Variants in WWOX observed in about 807,000 individuals in gnomAD.
WWOX encodes the protein WW domain-containing oxidoreductase.
A neutral mutation model predicts 46.2 loss-of-function variants in WWOX; 69 were observed. The ratio of observed to expected loss-of-function variants is 1.49; its 90% CI spans 1.23 to 1.82. WWOX has a LOEUF of 1.82. Among genes scored for constraint, WWOX ranks in the 40% most tolerant of loss-of-function variants. The pLI is 0.00. For missense variants in WWOX, 919 were observed against 542.6 expected, an observed-to-expected ratio of 1.69 and a Z score of -6.89; for synonymous variants, 359 against 202.6, an observed-to-expected ratio of 1.77 and a Z score of -6.56.
intron 4 of WWOX, among the ~76,000 whole-genome samples, chr16:78,153,439 C>T (rs753399453): frequency 1.6e-4 from 24 of 152,100 alleles, no homozygotes; most frequent in Non-Finnish European, 2.8e-4. Context: ...AAAACAGTCC[C>T]CACATTTGCA....
At chr16:78,812,458 C>T (rs2051214701) in intron 8 of WWOX, among the ~76,000 whole-genome samples, 1 of 151,990 alleles carries the variant, frequency 6.6e-6, no homozygotes, top group Non-Finnish European at 1.5e-5. Context: ...ATGGTGGCTC[C>T]TGCCTGTAAT....
intron 8 of WWOX, among the ~76,000 whole-genome samples, chr16:78,504,589 G>T (rs557812858): frequency 1.3e-5 from 2 of 152,306 alleles, no homozygotes; most frequent in East Asian, 3.9e-4. Flanking sequence ...CGTGATGCCA[G>T]TGTCTTCGTA....
intron 8 of WWOX, among the ~76,000 whole-genome samples, chr16:78,669,642 C>G (rs117073168): frequency 0.014 from 2,173 of 152,286 alleles, 33 homozygotes; most frequent in Non-Finnish European, 0.018. Context: ...ATATCCAACA[C>G]AAATACGTCA....
chr16:78,340,950 G>A lies in WWOX; in HGVS notation c.517-45910G>A. 1.7e-5 allele frequency among the ~76,000 whole-genome samples: 2 copies of A among 118,744 alleles called. 1 individual carries two copies. The highest frequency in any genetic ancestry group is 1.7e-4 in the Admixed American group (2 of 12,084). 77.9% of individuals were successfully genotyped at this position (118,744 alleles called of 152,430 possible). ...TGATGGTATCCTGCTGGGCTGAGTG[G>A]GGAGGGATTCTCAAGCTGTACATAG... On this transcript the variant is annotated intron_variant, in intron 5 of 8. Transcript: ENST00000566780.
intron 8 of WWOX, among the ~76,000 whole-genome samples, chr16:78,607,234 C>T (rs761043892): frequency 5.9e-5 from 9 of 151,764 alleles, no homozygotes; most frequent in Non-Finnish European, 1.2e-4. Context: ...TTTAATAAAG[C>T]GGTTTATATT....
intron 8 of WWOX, among the ~76,000 whole-genome samples, chr16:79,009,198 G>T (rs1428722644): frequency 1.3e-5 from 2 of 152,204 alleles, no homozygotes; most frequent in Admixed American, 6.5e-5. Context: ...TTTAATGAAA[G>T]CAGGAAGATG....
At chr16:79,112,282 C>G (rs1328566440) in intron 8 of WWOX, among the ~76,000 whole-genome samples, 1 of 152,188 alleles carries the variant, frequency 6.6e-6, no homozygotes, top group African/African-American at 2.4e-5. Context: ...AACAGATCAT[C>G]TTGATAAGTA....
chr16:78,234,910 T>C (rs192240341), intron 5 of WWOX, among the ~76,000 whole-genome samples: 2,450 of 147,940 alleles, frequency 0.017, 40 homozygotes, highest in Non-Finnish European at 0.024. Flanking sequence ...GTTTCTTCAC[T>C]TTTCTTTTTT....
intron 8 of WWOX, among the ~76,000 whole-genome samples, chr16:78,904,552 G>T (rs1458165976): frequency 6.6e-6 from 1 of 151,930 alleles, no homozygotes; most frequent in Non-Finnish European, 1.5e-5. Flanking sequence ...GTCTTTTCTG[G>T]GTGGGGCATG....
At chr16:78,850,027 A>G (rs2052402225) in intron 8 of WWOX, among the ~76,000 whole-genome samples, 1 of 151,906 alleles carries the variant, frequency 6.6e-6, no homozygotes, top group South Asian at 2.1e-4. Context: ...AGCCGAGACA[A>G]TGCCATTGCA....
At chr16:79,050,667 A>T (rs1419267412) in intron 8 of WWOX, among the ~76,000 whole-genome samples, 1 of 152,164 alleles carries the variant, frequency 6.6e-6, no homozygotes, top group African/African-American at 2.4e-5. Flanking sequence ...TAAGAACAGG[A>T]GTGACATGAC....
chr16:78,416,267 G>T (rs1406740202), intron 6 of WWOX, among the ~76,000 whole-genome samples: 1 of 152,130 alleles, frequency 6.6e-6, no homozygotes, highest in Admixed American at 6.5e-5. Flanking sequence ...ATGGCTTTTA[G>T]TCAAAACTGA....
chr16:78,326,516 CTG>C (rs2080620482), intron 5 of WWOX, among the ~76,000 whole-genome samples: 1 of 139,738 alleles, frequency 7.2e-6, no homozygotes, highest in African/African-American at 2.8e-5. Context: ...CTGTTACTTA[CTG>C]TGTTTCTCTG....
chr16:78,130,750 T>G (rs2033556691), intron 4 of WWOX, among the ~76,000 whole-genome samples: 1 of 152,182 alleles, frequency 6.6e-6, no homozygotes, highest in Non-Finnish European at 1.5e-5. Flanking sequence ...TTAACAAACA[T>G]TTATTGACTA....
chr16:78,524,458 T>C (rs1044129410), intron 8 of WWOX, among the ~76,000 whole-genome samples: 20 of 152,108 alleles, frequency 1.3e-4, no homozygotes, highest in African/African-American at 3.4e-4. Flanking sequence ...TCTTGCTCTT[T>C]TGCCCAAGCT....
chr16:78,687,553 G>C (rs2047891585), intron 8 of WWOX, among the ~76,000 whole-genome samples: 1 of 152,062 alleles, frequency 6.6e-6, no homozygotes, highest in African/African-American at 2.4e-5. Flanking sequence ...GGAATACGCA[G>C]ACATATACTT....
intron 5 of WWOX, among the ~76,000 whole-genome samples, chr16:78,268,921 C>G (rs1023775230): frequency 6.6e-6 from 1 of 152,120 alleles, no homozygotes; most frequent in African/African-American, 2.4e-5. Context: ...TTCTATCCCT[C>G]TGAGGCAACC....
At chr16:78,496,004 G>T (rs1247960040) in intron 8 of WWOX, 2 of 152,166 alleles carry the variant, frequency 1.3e-5, no homozygotes, top group African/African-American at 4.8e-5. Flanking sequence ...ACACCTGAAA[G>T]GGTGTCTTTT....
At chr16:78,995,229 C>T (rs925006223) in intron 8 of WWOX, among the ~76,000 whole-genome samples, 1 of 152,006 alleles carries the variant, frequency 6.6e-6, no homozygotes, top group African/African-American at 2.4e-5. Context: ...ATTCCAAAGC[C>T]CATGCCCAAT....
Sources: gnomAD v4.1 joint callset for allele counts (sites outside exome capture counted in the v4.1 genomes callset) on GRCh38, gnomAD v4.1.1 for gene constraint, MANE v1.5 for transcripts, NCBI Gene and HGNC (gene_info 2026-07-23, HGNC 2026-07-21) for gene names.